Variants in RHOJ observed in about 807,000 individuals in gnomAD.
RHOJ encodes the protein rho-related GTP-binding protein RhoJ.
A neutral mutation model predicts 23.4 loss-of-function variants in RHOJ; 11 were observed. The observed-to-expected ratio is 0.47, with a 90% CI of 0.30 to 0.78. The LOEUF (loss-of-function observed/expected upper bound fraction) is 0.78, where lower values mean the gene tolerates loss of function less well. RHOJ is among the 30% of genes least tolerant of loss of function. RHOJ has a pLI of 0.08. For synonymous variants in RHOJ, 102 were observed against 102.7 expected, an observed-to-expected ratio of 0.99 and a Z score of 0.04; for missense variants, 254 against 273.4, an observed-to-expected ratio of 0.93 and a Z score of 0.50.
intron 2 of RHOJ, among the ~76,000 whole-genome samples, chr14:63,274,972 G>C (rs1881671829): frequency 1.3e-5 from 2 of 152,138 alleles, no homozygotes; most frequent in Admixed American, 1.3e-4. Context: ...ATTAATGTGG[G>C]TATGGCGGGG....
At chr14:63,212,989 G>A (rs1257717396) in intron 1 of RHOJ, among the ~76,000 whole-genome samples, 1 of 152,112 alleles carries the variant, frequency 6.6e-6, no homozygotes. Flanking sequence ...GTCACCATCT[G>A]CCACCTAACA....
At chr14:63,213,486 C>CATAG (rs1438409380) in intron 1 of RHOJ, among the ~76,000 whole-genome samples, 3 of 152,178 alleles carry the variant, frequency 2.0e-5, no homozygotes, top group Non-Finnish European at 4.4e-5. Context: ...TTAATGGCTA[C>CATAG]ATAGGATTCT....
chr14:63,244,158 A>G (rs1395138146), intron 1 of RHOJ, among the ~76,000 whole-genome samples: 1 of 152,228 alleles, frequency 6.6e-6, no homozygotes, highest in Non-Finnish European at 1.5e-5. Flanking sequence ...CGTACGATAC[A>G]ACATGCTCAG....
At position 63,205,001 on chromosome 14, in the gene RHOJ, C is replaced by A; in HGVS notation, c.132C>A (p.Asp44Glu). ...GCCTGCTGATGAGCTACGCCAACGACGCCTTCCCAGAGGAATACGTGCCCA... is the reference window on the plus strand; with the variant it reads ...GCCTGCTGATGAGCTACGCCAACGAAGCCTTCCCAGAGGAATACGTGCCCA... ...KTCLLMSYAN[D>E]AFPEEYVPTV... Residue 44 changes from aspartate (D) to glutamate (E), a missense_variant, in exon 1 of 5, where the codon GAC (aspartate) becomes GAA (glutamate). Transcript: ENST00000316754. The A allele has an allele frequency of 6.2e-7, 1 of 1,614,184 alleles. No homozygotes were observed. The highest frequency in any genetic ancestry group is 8.5e-7 in the Non-Finnish European group (1 of 1,180,046).
intron 1 of RHOJ, among the ~76,000 whole-genome samples, chr14:63,220,850 A>G (rs987036173): frequency 5.3e-5 from 8 of 152,200 alleles, no homozygotes; most frequent in Admixed American, 5.2e-4. Context: ...TCCCTCATAC[A>G]CACTATCCTT....
chr14:63,220,748 A>C (rs1296271911), intron 1 of RHOJ, among the ~76,000 whole-genome samples: 1 of 152,206 alleles, frequency 6.6e-6, no homozygotes, highest in Non-Finnish European at 1.5e-5. Context: ...CTGATGTCTA[A>C]CTTAAGGGAG....
At chr14:63,275,100 C>T (rs1881675876) in intron 2 of RHOJ, among the ~76,000 whole-genome samples, 1 of 152,114 alleles carries the variant, frequency 6.6e-6, no homozygotes, top group Non-Finnish European at 1.5e-5. Context: ...TCCAGTCCTG[C>T]TACTGAATAA....
chr14:63,219,941 T>G (rs1459823861), intron 1 of RHOJ, among the ~76,000 whole-genome samples: 1 of 152,152 alleles, frequency 6.6e-6, no homozygotes, highest in Non-Finnish European at 1.5e-5. Context: ...AACGAGCAGC[T>G]CCTGATAAGC....
At chr14:63,251,560 G>A (rs1334235563) in intron 1 of RHOJ, among the ~76,000 whole-genome samples, 1 of 152,184 alleles carries the variant, frequency 6.6e-6, no homozygotes, top group Non-Finnish European at 1.5e-5. Context: ...GGAAGGTGCT[G>A]AGCAATGCAT....
At chr14:63,253,394 G>A (rs1895106584) in intron 1 of RHOJ, among the ~76,000 whole-genome samples, 2 of 151,704 alleles carry the variant, frequency 1.3e-5, no homozygotes, top group African/African-American at 2.4e-5. Context: ...AGCTTCCCAA[G>A]TAGCTAATTT....
chr14:63,268,542 T>G (rs898164139), intron 1 of RHOJ, among the ~76,000 whole-genome samples: 1 of 152,244 alleles, frequency 6.6e-6, no homozygotes, highest in African/African-American at 2.4e-5. Flanking sequence ...GAATATCTAA[T>G]TTTAAAAAAC....
At chr14:63,206,211 G>A (rs117398997) in intron 1 of RHOJ, among the ~76,000 whole-genome samples, 17 of 152,310 alleles carry the variant, frequency 1.1e-4, no homozygotes, top group Non-Finnish European at 2.2e-4. Context: ...ATGTTACACA[G>A]CAGACAGGGA....
chr14:63,289,575 A>G (rs144300090), intron 4 of RHOJ, among the ~76,000 whole-genome samples: 471 of 152,372 alleles, frequency 3.1e-3, no homozygotes, highest in African/African-American at 0.011. Context: ...TAAAAGGCCA[A>G]CATCACATCA....
In RHOJ at chr14:63,291,131, T is replaced by C; in HGVS notation, c.*107T>C. On this transcript the variant is annotated 3_prime_UTR_variant, in exon 5 of 5. Transcript: ENST00000316754. The stretch of plus-strand genomic sequence containing the variant: ...GGGCACGACCAGAAAGGAACTCCCT[T>C]TGCACGGAGGCTTGCCCCATCACCC... 1 of 1,316,192 alleles carries C rather than the reference T, an allele frequency of 7.6e-7. No homozygotes were observed. The highest frequency in any genetic ancestry group is 1.1e-6 in the Non-Finnish European group (1 of 925,988). 81.5% of individuals were successfully genotyped at this position (1,316,192 alleles called of 1,614,324 possible).
At chr14:63,244,179 T>C (rs1395154361) in intron 1 of RHOJ, among the ~76,000 whole-genome samples, 4 of 152,216 alleles carry the variant, frequency 2.6e-5, no homozygotes, top group African/African-American at 9.7e-5. Context: ...AAAAATTTGT[T>C]GGCAGTTGGC....
intron 2 of RHOJ, among the ~76,000 whole-genome samples, chr14:63,278,471 G>A (rs755410992): frequency 6.6e-6 from 1 of 151,964 alleles, no homozygotes; most frequent in Non-Finnish European, 1.5e-5. Context: ...TACATGTGCA[G>A]AACGTGCAGG....
At chr14:63,248,980 T>A (rs1895022815) in intron 1 of RHOJ, among the ~76,000 whole-genome samples, 1 of 152,168 alleles carries the variant, frequency 6.6e-6, no homozygotes, top group Non-Finnish European at 1.5e-5. Context: ...GTATTGTTGG[T>A]CCCAATTGGT....
chr14:63,287,334 T>C (rs1566632303), intron 4 of RHOJ, among the ~76,000 whole-genome samples: 1 of 152,248 alleles, frequency 6.6e-6, no homozygotes, highest in East Asian at 1.9e-4. Context: ...ATCAGTTTCC[T>C]GAGCTGTGAA....
intron 1 of RHOJ, among the ~76,000 whole-genome samples, chr14:63,212,433 G>T (rs1333125533): frequency 1.3e-5 from 2 of 152,158 alleles, no homozygotes; most frequent in African/African-American, 4.8e-5. Context: ...ACCTAGAGTT[G>T]CATTCTGGCA....
Sources: gnomAD v4.1 joint callset for allele counts (sites outside exome capture counted in the v4.1 genomes callset) on GRCh38, gnomAD v4.1.1 for gene constraint, MANE v1.5 for transcripts, NCBI Gene and HGNC (gene_info 2026-07-23, HGNC 2026-07-21) for gene names.